The following RRP7A variants were observed in gnomAD, a reference collection of about 807,000 sequenced individuals.
RRP7A encodes the protein ribosomal RNA processing 7 homolog A.
In RRP7A, 27 loss-of-function variants were observed where a neutral mutation model predicts 38.4. That is an observed-to-expected ratio of 0.70 (90% CI 0.52 to 0.97). RRP7A has a LOEUF of 0.97. Among genes scored for constraint, RRP7A ranks in the 50% least tolerant of loss-of-function variants. The pLI, the probability that RRP7A is intolerant of heterozygous loss-of-function variation, is 0.00. For synonymous variants in RRP7A, 124 were observed against 150.3 expected, an observed-to-expected ratio of 0.83 and a Z score of 1.28; for missense variants, 327 against 375.4, an observed-to-expected ratio of 0.87 and a Z score of 1.07.
intron 2 of RRP7A, among the ~76,000 whole-genome samples, chr22:42,517,342 T>TAAAAA (rs71184902): frequency 8.5e-6 from 1 of 117,532 alleles, no homozygotes; most frequent in Non-Finnish European, 1.8e-5. Context: ...TTAGTTTTTG[T>TAAAAA]AAAAAAAAAA....
At chr22:42,513,877 A>C (rs1391981931) in intron 6 of RRP7A, among the ~76,000 whole-genome samples, 1 of 152,074 alleles carries the variant, frequency 6.6e-6, no homozygotes, top group Non-Finnish European at 1.5e-5. Context: ...TAGGGTCCCC[A>C]CCCACTGAGC....
chr22:42,514,114 T>C lies in RRP7A; in HGVS notation c.749A>G (p.Lys250Arg), dbSNP rs764002821. 1 of 1,612,680 alleles carries C rather than the reference T, an allele frequency of 6.2e-7. No individual in the cohort carries two copies. Residue 250 changes from lysine to arginine, a missense_variant, in exon 6 of 7, where the codon AAG becomes AGG. This residue lies in a region of RRP7A where 84 missense variants were observed against 82.8 expected (regional missense o/e 1.01). Transcript: ENST00000323013. ...GACTGGGGGTGGCTTACGCTCCATC[T>C]TGCTCTCTCGATGCTGCCAGGCGTA... ...NFYAWQHRES[K>R]MEHLAQLRKK...
intron 1 of RRP7A, among the ~76,000 whole-genome samples, chr22:42,519,358 G>C (rs1214901531): frequency 6.6e-6 from 1 of 152,076 alleles, no homozygotes; most frequent in African/African-American, 2.4e-5. Flanking sequence ...GCCCAGGTAA[G>C]AGCTGATGGG....
Position 42,516,087 on chromosome 22 carries a change from TC to T in RRP7A, c.265del (p.Glu89SerfsTer30). 6.2e-7 allele frequency: 1 copy of T among 1,613,712 alleles called. No homozygotes were observed. Among genetic ancestry groups the T allele is most frequent in the Admixed American group, 1.7e-5 (1 of 59,980 alleles). On this transcript the variant is annotated frameshift_variant, in exon 3 of 7. Transcript: ENST00000323013. LOFTEE classifies it high-confidence loss of function. ...AGCCAGGTCCGGCTTCTCCTGCAACTCTACAGACTGGACGAGGCCACAGGTG... is the reference window on the plus strand; with the variant it reads ...AGCCAGGTCCGGCTTCTCCTGCAACTTACAGACTGGACGAGGCCACAGGTG... The part of the protein sequence containing the change: ...LSTCGLVQSV[E>X]LQEKPDLAES...
At chr22:42,518,798 T>A (rs1601809048) in intron 1 of RRP7A, 1 of 465,264 alleles carries the variant, frequency 2.1e-6, no homozygotes, top group East Asian at 7.0e-5. Flanking sequence ...AGCTAGGAAC[T>A]GCTTCTATTT....
chr22:42,518,512 C>G (rs534882936), intron 1 of RRP7A: 1 of 435,130 alleles, frequency 2.3e-6, no homozygotes, highest in Admixed American at 2.6e-5. Context: ...CTCGTACCAT[C>G]TTCCCCCAGC....
In RRP7A at chr22:42,509,233, A is replaced by G. The variant is rs1932367579; in HGVS notation, c.*3677T>C. ...CGTGTCGACCACATCGCTAAGACTCAAGATCTTTTTTGGGAAGCCCCCCTG... is the reference window on the plus strand; with the variant it reads ...CGTGTCGACCACATCGCTAAGACTCGAGATCTTTTTTGGGAAGCCCCCCTG... On this transcript the variant is annotated 3_prime_UTR_variant, in exon 7 of 7. Transcript: ENST00000323013. 5.9e-6 allele frequency: 9 copies of G among 1,524,704 alleles called. No homozygotes were observed. The highest frequency in any genetic ancestry group is 1.8e-4 in the Middle Eastern group (1 of 5,632). 94.4% of individuals were successfully genotyped at this position (1,524,704 alleles called of 1,614,324 possible). A position where few individuals can be genotyped will look rare whatever the true frequency, so the allele number is the denominator to read the frequency against.
In RRP7A at chr22:42,516,046, A is replaced by G; in HGVS notation, c.307T>C (p.Ser103Pro). 2.5e-6 allele frequency: 4 copies of G among 1,607,572 alleles called. No homozygotes were observed. The highest frequency in any genetic ancestry group is 3.4e-6 in the Non-Finnish European group (4 of 1,176,462). Residue 103 changes from serine (S) to proline (P), a missense_variant, in exon 3 of 7, where the codon TCA becomes CCA. Physicochemically the swap from Ser to Pro is moderately conservative, Grantham distance 74. Transcript: ENST00000323013. Reference protein sequence around the residue: ...KPDLAESPKESRSKFFHPKPV... With the variant: ...KPDLAESPKEPRSKFFHPKPV... ...TTGGGATGAAAAAACTTCGACCTTGACTCCTTTGGGCTCTCAGCCAGGTCC... is the reference window on the plus strand; with the variant it reads ...TTGGGATGAAAAAACTTCGACCTTGGCTCCTTTGGGCTCTCAGCCAGGTCC...
chr22:42,508,564 G>A lies in RRP7A; in HGVS notation c.*4346C>T, dbSNP rs538295138. On this transcript the variant is annotated 3_prime_UTR_variant, in exon 7 of 7. Coordinates refer to ENST00000323013, the MANE Select transcript of RRP7A (RefSeq NM_015703.5). ...GGAGGCTGGCTGGGGCCATCACGGA[G>A]TGCCCATCCTGCACTGTGGTCCCAG... 6.6e-6 allele frequency among the ~76,000 whole-genome samples: 1 copy of A among 152,292 alleles called. No homozygotes were observed. The highest frequency in any genetic ancestry group is 6.5e-5 in the Admixed American group (1 of 15,300).
chr22:42,509,198 A>G lies in RRP7A; in HGVS notation c.*3712T>C. On this transcript the variant is annotated 3_prime_UTR_variant, in exon 7 of 7. Transcript: ENST00000323013. The stretch of plus-strand genomic sequence containing the variant: ...GGAGGGGGCCCTGGCATGAGGCTCC[A>G]AGTTCTCTGCGTGTCGACCACATCG... 1.3e-6 allele frequency: 2 copies of G among 1,590,176 alleles called. No individual in the cohort carries two copies. Among genetic ancestry groups the G allele is most frequent in the Non-Finnish European group, 1.7e-6 (2 of 1,168,024 alleles).
At position 42,510,645 on chromosome 22, in the gene RRP7A, A is replaced by G; in HGVS notation, c.*2265T>C. ...TCACTTTCCAGAGCAGTCCACGGAT[A>G]TTTTGATCCAAGAGAGAATTACTCT... On this transcript the variant is annotated 3_prime_UTR_variant, in exon 7 of 7. Transcript: ENST00000323013. The G allele has an allele frequency of 2.3e-6, 3 of 1,331,032 alleles. No individual in the cohort carries two copies. The highest frequency in any genetic ancestry group is 3.1e-6 in the Non-Finnish European group (3 of 954,244). 82.5% of individuals were successfully genotyped at this position (1,331,032 alleles called of 1,614,324 possible). A position where few individuals can be genotyped will look rare whatever the true frequency, so the allele number is the denominator to read the frequency against.
chr22:42,514,161 G>C lies in RRP7A; in HGVS notation c.702C>G (p.Ser234Arg). ...CGTAGAAGTTGAGCAGCTCTTTTCGGCTGCGCTTCCGTCTCTCCCTCTCCA... is the reference window on the plus strand; with the variant it reads ...CGTAGAAGTTGAGCAGCTCTTTTCGCCTGCGCTTCCGTCTCTCCCTCTCCA... ...RVLERERRKR[S>R]RKELLNFYAW... The change falls in exon 6 of 7, where the codon AGC becomes AGG. Residue 234 changes from serine to arginine, a missense_variant. Ser to Arg is a moderately radical substitution (Grantham distance 110). Around this residue, in one of 5 missense-constraint regions of RRP7A, gnomAD observed 84 missense variants for 82.8 expected, o/e 1.01. Coordinates refer to ENST00000323013, the MANE Select transcript of RRP7A (RefSeq NM_015703.5). 2 of 1,613,350 alleles carry C rather than the reference G, an allele frequency of 1.2e-6. No homozygotes were observed. The highest frequency in any genetic ancestry group is 8.5e-7 in the Non-Finnish European group (1 of 1,179,840).
rs1932503337 is a variant in RRP7A, at chr22:42,512,625, C to CG, written c.*284dup. 1 of 571,388 alleles carries CG rather than the reference C, an allele frequency of 1.8e-6. No individual in the cohort carries two copies. The highest frequency in any genetic ancestry group is 3.1e-6 in the Non-Finnish European group (1 of 318,504). 35.4% of individuals were successfully genotyped at this position (571,388 alleles called of 1,614,324 possible). ...CATTGAGGGAAAAGGAAGCACAGAA[C>CG]GGATTCATCCAGGGTCCTGGAGAGG... On this transcript the variant is annotated 3_prime_UTR_variant, in exon 7 of 7. Transcript: ENST00000323013.
chr22:42,514,792 G>T lies in RRP7A; in HGVS notation c.461-13C>A, dbSNP rs1248301701. ...TCACTGATCCACTCTGAGGAAAAGG[G>T]AGCCAGGGAAACGGGGCTTCCTCAG... On this transcript the variant is annotated splice_polypyrimidine_tract_variant and intron_variant, in intron 4 of 6. Coordinates refer to ENST00000323013, the MANE Select transcript of RRP7A (RefSeq NM_015703.5). 6.3e-7 allele frequency: 1 copy of T among 1,598,810 alleles called. No individual in the cohort carries two copies. The highest frequency in any genetic ancestry group is 8.5e-7 in the Non-Finnish European group (1 of 1,171,334).
chr22:42,517,590 G>A (rs1920934071), intron 2 of RRP7A, among the ~76,000 whole-genome samples: 1 of 152,026 alleles, frequency 6.6e-6, no homozygotes, highest in Non-Finnish European at 1.5e-5. Flanking sequence ...CGCGATCTTG[G>A]CTCACTGCAA....
intron 2 of RRP7A, among the ~76,000 whole-genome samples, chr22:42,517,342 TAAAAAAAAA>T (rs71184902): frequency 1.0e-4 from 12 of 117,508 alleles, no homozygotes; most frequent in East Asian, 2.3e-4. Flanking sequence ...TTAGTTTTTG[TAAAAAAAAA>T]AAAAAAAAAA....
chr22:42,516,061 C>G lies in RRP7A; in HGVS notation c.292G>C (p.Glu98Gln). The stretch of plus-strand genomic sequence containing the variant: ...TTCGACCTTGACTCCTTTGGGCTCT[C>G]AGCCAGGTCCGGCTTCTCCTGCAAC... ...VELQEKPDLA[E>Q]SPKESRSKFF... Residue 98 changes from glutamate (E) to glutamine (Q), a missense_variant, in exon 3 of 7, where the codon GAG becomes CAG. Coordinates refer to ENST00000323013, the MANE Select transcript of RRP7A (RefSeq NM_015703.5). 6.2e-7 allele frequency: 1 copy of G among 1,612,538 alleles called. No homozygotes were observed. Among genetic ancestry groups the G allele is most frequent in the Non-Finnish European group, 8.5e-7 (1 of 1,179,138 alleles).
intron 2 of RRP7A, among the ~76,000 whole-genome samples, chr22:42,517,342 TAAAAAA>T (rs71184902): frequency 1.1e-4 from 13 of 117,534 alleles, no homozygotes; most frequent in African/African-American, 2.2e-4. Context: ...TTAGTTTTTG[TAAAAAA>T]AAAAAAAAAA....
In RRP7A at chr22:42,511,748, T is replaced by A. The variant is rs906365561; in HGVS notation, c.*1162A>T. Reference sequence around the variant, plus strand: ...AGCCAAGGCAGGCAGGGCCTTCCTGTCTGGCTTCTTGAAGGCAGACACAAG... The same window carrying A: ...AGCCAAGGCAGGCAGGGCCTTCCTGACTGGCTTCTTGAAGGCAGACACAAG... On this transcript the variant is annotated 3_prime_UTR_variant, in exon 7 of 7. Transcript: ENST00000323013. The A allele has an allele frequency of 2.1e-5, 4 of 194,714 alleles. No homozygotes were observed. Among genetic ancestry groups the A allele is most frequent in the African/African-American group, 9.4e-5 (4 of 42,692 alleles). 12.1% of individuals were successfully genotyped at this position (194,714 alleles called of 1,614,324 possible).
Sources: gnomAD v4.1 joint callset for allele counts (sites outside exome capture counted in the v4.1 genomes callset) on GRCh38, gnomAD v4.1.1 for gene constraint, gnomAD v4.1.1 regional missense constraint, MANE v1.5 for transcripts, NCBI Gene and HGNC (gene_info 2026-07-23, HGNC 2026-07-21) for gene names.